The following TBC1D30 variants were observed in gnomAD, a reference collection of about 807,000 sequenced individuals.
TBC1D30 encodes the protein TBC1 domain family, member 30.
Under a neutral mutation model 63.2 loss-of-function variants are expected in TBC1D30, and 31 were observed. That is an observed-to-expected ratio of 0.49 (90% confidence interval 0.37 to 0.66). TBC1D30 has a LOEUF of 0.66. Among genes scored for constraint, TBC1D30 ranks in the 30% least tolerant of loss-of-function variants. The pLI is 0.00. For missense variants in TBC1D30, 810 were observed against 953.6 expected (o/e 0.85, Z 1.98); for synonymous variants, 307 against 361.5 (o/e 0.85, Z 1.71).
chr12:64,864,979 G>A lies in TBC1D30; in HGVS notation c.1151+199G>A, dbSNP rs576343430. ...TGTACTTTGCAGAGAAATTTGGAAC[G>A]TAAACTGAAGAGAGATTTAGCAACC... On this transcript the variant is annotated intron_variant, in intron 9 of 11. Coordinates refer to ENST00000539867, the MANE Select transcript of TBC1D30 (RefSeq NM_015279.2). Among the ~76,000 whole-genome samples the A allele has an allele frequency of 4.9e-4, 74 of 152,004 alleles. 1 individual carries two copies. The highest frequency in any genetic ancestry group is 1.7e-3 in the African/African-American group (71 of 41,450).
Position 64,875,382 on chromosome 12 carries a change from G to A in TBC1D30, c.1880G>A (p.Gly627Asp). 6.5e-7 allele frequency: 1 copy of A among 1,536,244 alleles called. No homozygotes were observed. The highest frequency in any genetic ancestry group is 8.7e-7 in the Non-Finnish European group (1 of 1,146,926). Reference protein sequence around the residue: ...TAGREGSSPEGSTRRTIEGQS... With the variant: ...TAGREGSSPEDSTRRTIEGQS... ...GGGAGAGAAGGCAGCAGCCCTGAAG[G>A]CAGTACCAGGAGGACGATCGAGGGG... is the stretch of plus-strand genomic sequence containing the variant. The change falls in exon 12 of 12, where the codon GGC becomes GAC. Residue 627 changes from glycine to aspartate, a missense_variant. By Grantham distance (94) the Gly-to-Asp change is moderately conservative. Transcript: ENST00000539867.
At chr12:64,845,032 G>C (rs1224483501) in intron 8 of TBC1D30, among the ~76,000 whole-genome samples, 1 of 152,054 alleles carries the variant, frequency 6.6e-6, no homozygotes, top group African/African-American at 2.4e-5. Flanking sequence ...TGGATACTTA[G>C]GTTGCTTCCA....
rs774145443 is a variant in TBC1D30 at position 64,807,918 on chromosome 12, G to GTT, written c.644-19901_644-19900dup. Among the ~76,000 whole-genome samples the GTT allele has an allele frequency of 7.3e-3, 679 of 93,478 alleles. 77 individuals carry two copies. The highest frequency in any genetic ancestry group is 0.034 in the African/African-American group (608 of 18,108). 61.3% of individuals were successfully genotyped at this position (93,478 alleles called of 152,430 possible). ...GCCCATGCCACCCTGCCTAATTTAA[G>GTT]TTTTTTTTTTTTTTTTTGTAGAGCT... On this transcript the variant is annotated intron_variant, in intron 2 of 12. Coordinates refer to the TBC1D30 transcript ENST00000542120.
intron 8 of TBC1D30, among the ~76,000 whole-genome samples, chr12:64,857,961 A>T (rs1877451771): frequency 6.6e-6 from 1 of 152,216 alleles, no homozygotes; most frequent in Non-Finnish European, 1.5e-5. Flanking sequence ...TCTTATGGCC[A>T]CTGCCAGGGG....
chr12:64,794,952 CAAAAG>C (rs1014189454), intron 2 of TBC1D30, among the ~76,000 whole-genome samples: 6 of 152,060 alleles, frequency 3.9e-5, no homozygotes, highest in African/African-American at 1.2e-4. Context: ...CTAAAACAGA[CAAAAG>C]AAAACAATTT....
chr12:64,866,902 A>T lies in TBC1D30; in HGVS notation c.1290A>T (p.Lys430Asn). Residue 430 changes from lysine to asparagine, a missense_variant and splice_region_variant, in exon 10 of 12, where the codon AAA (lysine) becomes AAT (asparagine). By Grantham distance (94) the Lys-to-Asn change is moderately conservative. Around this residue, in one of 4 missense-constraint regions of TBC1D30, gnomAD observed 450 missense variants for 473.0 expected, o/e 0.95. Coordinates refer to ENST00000539867, the MANE Select transcript of TBC1D30 (RefSeq NM_015279.2). ...TGCAGAAGTACCAAAAACAAATTAA[A>T]GGTAAAGAGGTGGCTCTTGATTTAG... ...PELQKYQKQIKEPNEEQSLRS... is the reference protein window; with the variant it reads ...PELQKYQKQINEPNEEQSLRS... 1 of 1,536,004 alleles carries T rather than the reference A, an allele frequency of 6.5e-7. No homozygotes were observed. The highest frequency in any genetic ancestry group is 8.7e-7 in the Non-Finnish European group (1 of 1,146,882).
At chr12:64,789,767 GA>G (rs1253802504) in intron 2 of TBC1D30, among the ~76,000 whole-genome samples, 2 of 152,060 alleles carry the variant, frequency 1.3e-5, no homozygotes, top group Non-Finnish European at 1.5e-5. Context: ...TTGTATTATA[GA>G]AGATCATACT....
At position 64,843,450 on chromosome 12, in the gene TBC1D30, G is replaced by A; in HGVS notation, c.1003G>A (p.Glu335Lys). 4.6e-6 allele frequency: 7 copies of A among 1,536,206 alleles called. No homozygotes were observed. Among genetic ancestry groups the A allele is most frequent in the Non-Finnish European group, 6.1e-6 (7 of 1,146,916 alleles). The change falls in exon 8 of 12, where the codon GAG becomes AAG. Residue 335 changes from glutamate to lysine, a missense_variant. This residue lies in a region of TBC1D30 where 83 missense variants were observed against 121.5 expected (regional missense o/e 0.68). Coordinates refer to ENST00000539867, the MANE Select transcript of TBC1D30 (RefSeq NM_015279.2). ...GGGGCGCCTTACCCAGGAGATGCTA[G>A]AGAATGATCTTCTGCAAAGCCATGA... ...TMGRLTQEML[E>K]NDLLQSHELM...
In TBC1D30 at chr12:64,787,543, G is replaced by A. The variant is rs555169277; in HGVS notation, c.643+1498G>A. The stretch of plus-strand genomic sequence containing the variant: ...TTTTTTCAAAATTGCAAATTAAGAT[G>A]TGTTTGCTTTCATGAAACAATTTTT... On this transcript the variant is annotated intron_variant, in intron 2 of 12. Coordinates refer to the TBC1D30 transcript ENST00000542120. 3.4e-4 allele frequency among the ~76,000 whole-genome samples: 52 copies of A among 152,186 alleles called. 1 individual carries two copies. The highest frequency in any genetic ancestry group is 3.4e-3 in the Middle Eastern group (1 of 294).
upstream of TBC1D30, chr12:64,779,284 T>C (rs1438819194): frequency 6.6e-6 from 1 of 152,136 alleles, no homozygotes; most frequent in Non-Finnish European, 1.5e-5. Context: ...TTGGAACTCG[T>C]TGAATGCCAG....
At chr12:64,768,026 G>T (rs547634851) in intron 1 of TBC1D30, among the ~76,000 whole-genome samples, 76 of 152,152 alleles carry the variant, frequency 5.0e-4, no homozygotes, top group African/African-American at 1.8e-3. Flanking sequence ...TATATGAAAG[G>T]CTGCCAGCTT....
At chr12:64,853,187 C>T (rs1282026293) in intron 8 of TBC1D30, among the ~76,000 whole-genome samples, 1 of 152,300 alleles carries the variant, frequency 6.6e-6, no homozygotes, top group East Asian at 1.9e-4. Flanking sequence ...GATACCCTGC[C>T]CAGAGAGGAA....
At chr12:64,812,400 C>T (rs1873269038) in intron 2 of TBC1D30, among the ~76,000 whole-genome samples, 1 of 152,146 alleles carries the variant, frequency 6.6e-6, no homozygotes. Flanking sequence ...TATATTTGCG[C>T]ATCTCTGTTA....
chr12:64,775,764 A>C (rs796704267), upstream of TBC1D30, among the ~76,000 whole-genome samples: 1 of 152,210 alleles, frequency 6.6e-6, no homozygotes, highest in Non-Finnish European at 1.5e-5. Flanking sequence ...TGAACTCAGC[A>C]CTGGATCAAA....
intron 1 of TBC1D30, among the ~76,000 whole-genome samples, chr12:64,761,536 C>T (rs1459493128): frequency 2.6e-5 from 4 of 152,198 alleles, no homozygotes; most frequent in Admixed American, 1.3e-4. Context: ...GTAAAGAAGC[C>T]GACTAAAACC....
At chr12:64,769,286 A>G (rs12814381) in intron 1 of TBC1D30, among the ~76,000 whole-genome samples, 81,598 of 151,702 alleles carry the variant, frequency 0.54, 22,828 homozygotes, top group East Asian at 0.89. Context: ...GCTCACTGCA[A>G]CCTACATCTC....
intron 2 of TBC1D30, among the ~76,000 whole-genome samples, chr12:64,799,092 C>A (rs1037512213): frequency 6.6e-6 from 1 of 151,886 alleles, no homozygotes; most frequent in Non-Finnish European, 1.5e-5. Flanking sequence ...GGATCAGGCA[C>A]CTTTCTTAAG....
At chr12:64,869,194 C>T (rs896695720) in intron 10 of TBC1D30, among the ~76,000 whole-genome samples, 1 of 152,156 alleles carries the variant, frequency 6.6e-6, no homozygotes, top group African/African-American at 2.4e-5. Context: ...AGATGTCAGG[C>T]ACCTCTGTGT....
At chr12:64,776,770 C>A (rs1419619730), upstream of TBC1D30, among the ~76,000 whole-genome samples, 2 of 152,194 alleles carry the variant, frequency 1.3e-5, no homozygotes, top group African/African-American at 4.8e-5. Flanking sequence ...AGGCCAGCAT[C>A]ATCCTGAAAC....
Sources: gnomAD v4.1 joint callset for allele counts (sites outside exome capture counted in the v4.1 genomes callset) on GRCh38, gnomAD v4.1.1 for gene constraint, gnomAD v4.1.1 regional missense constraint, MANE v1.5 for transcripts, NCBI Gene and HGNC (gene_info 2026-07-23, HGNC 2026-07-21) for gene names.